The following TCTN1 variants were observed in gnomAD, a reference collection of about 807,000 sequenced individuals.
The protein encoded by TCTN1 is tectonic family member 1.
A neutral mutation model predicts 65.8 loss-of-function variants in TCTN1; 58 were observed. The ratio of observed to expected loss-of-function variants is 0.88; its 90% CI spans 0.71 to 1.10. TCTN1 has a LOEUF of 1.10. TCTN1 is among the 50% of genes least tolerant of loss of function. TCTN1 has a pLI of 0.00. For synonymous variants in TCTN1, 273 were observed against 289.1 expected (o/e 0.94, Z 0.57); for missense variants, 645 against 719.4 (o/e 0.90, Z 1.18).
chr12:110,617,483 C>T (rs1332345736), intron 1 of TCTN1, among the ~76,000 whole-genome samples: 3 of 151,858 alleles, frequency 2.0e-5, no homozygotes, highest in African/African-American at 4.8e-5. Context: ...GCCACCATGC[C>T]TGGCTAATTT....
intron 9 of TCTN1, 33 bp downstream of exon 9, chr12:110,641,182 T>C: frequency 1.9e-6 from 3 of 1,613,992 alleles, no homozygotes; most frequent in Non-Finnish European, 2.5e-6. Context: ...AAGTATTTAA[T>C]TGCCAAGTTA....
At chr12:110,616,268 TGG>T in intron 1 of TCTN1, 3 of 448,256 alleles carry the variant, frequency 6.7e-6, no homozygotes, top group Admixed American at 2.4e-5. Flanking sequence ...TTTTTTTTTT[TGG>T]TCACAGGGTC....
rs184771450 is a variant in TCTN1, at chr12:110,639,490, A to G, written c.844-893A>G. ...TGTGTGTGAGCGTGCTTGCGCTTGTATAGAAGTTGTGTATAAATTGGGTCA... is the reference window on the plus strand; with the variant it reads ...TGTGTGTGAGCGTGCTTGCGCTTGTGTAGAAGTTGTGTATAAATTGGGTCA... On this transcript the variant is annotated intron_variant, in intron 7 of 14. Coordinates refer to ENST00000397659, the MANE Select transcript of TCTN1 (RefSeq NM_001082538.3). The surrounding 1 kb of genome is among the most constrained non-coding windows in gnomAD (Gnocchi z 4.9). Among the ~76,000 whole-genome samples the G allele has an allele frequency of 1.1e-3, 168 of 151,860 alleles. 4 individuals carry two copies. The highest frequency in any genetic ancestry group is 0.01 in the Admixed American group (153 of 15,238).
intron 1 of TCTN1, among the ~76,000 whole-genome samples, chr12:110,618,453 A>T (rs1227042552): frequency 6.6e-6 from 1 of 151,922 alleles, no homozygotes; most frequent in Non-Finnish European, 1.5e-5. Flanking sequence ...GTTAGCCAGG[A>T]TGGTCTCAAT....
chr12:110,617,821 A>G (rs1207667908), intron 1 of TCTN1, among the ~76,000 whole-genome samples: 1 of 150,432 alleles, frequency 6.6e-6, no homozygotes, highest in Non-Finnish European at 1.5e-5. Flanking sequence ...TTGTATTTTC[A>G]GTAGAGACGG....
At chr12:110,636,355 C>A (rs1565991633) in intron 6 of TCTN1, 126 bp from the exon 7 acceptor site, 1 of 668,206 alleles carries the variant, frequency 1.5e-6, no homozygotes, top group Non-Finnish European at 2.6e-6. Context: ...CAAGGAAATT[C>A]TGTTTTCTTC....
At chr12:110,634,331 T>C in intron 5 of TCTN1, 1 of 457,376 alleles carries the variant, frequency 2.2e-6, no homozygotes, top group South Asian at 1.6e-5. Context: ...ATTATCTTTT[T>C]GTGCTTTTTG....
intron 2 of TCTN1, 26 bp from the exon 3 acceptor site, chr12:110,626,336 T>C: frequency 6.5e-7 from 1 of 1,548,606 alleles, no homozygotes; most frequent in South Asian, 1.2e-5. Context: ...CTTGTAACTT[T>C]GTATTATTAT....
chr12:110,632,390 C>T, intron 4 of TCTN1, 82 bp from the exon 5 acceptor site: 1 of 1,424,682 alleles, frequency 7.0e-7, no homozygotes, highest in South Asian at 1.2e-5. Context: ...TGCAGTGCTG[C>T]TTGGCACATT....
chr12:110,636,109 C>T (rs2066551843), intron 6 of TCTN1: 1 of 224,812 alleles, frequency 4.4e-6, no homozygotes, highest in African/African-American at 2.3e-5. Flanking sequence ...CAATGGTGGC[C>T]TTCCAGCAAG....
rs570284747 is a variant in TCTN1 at position 110,626,641 on chromosome 12, G to A, written c.472+149G>A. 2.8e-3 allele frequency: 2,121 copies of A among 765,764 alleles called. 3 individuals carry two copies. Among genetic ancestry groups the A allele is most frequent in the Middle Eastern group, 5.8e-3 (14 of 2,406 alleles). The allele number at this position is 765,764 out of a possible 1,614,324, so 47.4% of individuals were successfully genotyped here. A position where few individuals can be genotyped will look rare whatever the true frequency, so the allele number is the denominator to read the frequency against. On this transcript the variant is annotated intron_variant, in intron 3 of 14. Transcript: ENST00000397659. ...GTCACCCAGGCTGGCGTGCAGTGGC[G>A]CAATCTCGGCTCACTGAAACCTCCA...
chr12:110,624,166 C>T (rs888990417), intron 2 of TCTN1, among the ~76,000 whole-genome samples: 1 of 151,750 alleles, frequency 6.6e-6, no homozygotes, highest in African/African-American at 2.4e-5. Flanking sequence ...AAGTGATCCT[C>T]CTGCCATGGC....
At chr12:110,623,307 T>G (rs953917357) in intron 2 of TCTN1, among the ~76,000 whole-genome samples, 1 of 152,236 alleles carries the variant, frequency 6.6e-6, no homozygotes, top group Admixed American at 6.5e-5. Flanking sequence ...ATTGCCGTTC[T>G]TGCACTTGGA....
chr12:110,616,300 G>T, intron 1 of TCTN1: 1 of 445,450 alleles, frequency 2.2e-6, no homozygotes, highest in Non-Finnish European at 4.5e-6. Flanking sequence ...CACTCAGGCT[G>T]GAGTATAGTG....
intron 2 of TCTN1, among the ~76,000 whole-genome samples, chr12:110,622,194 C>T (rs2065480699): frequency 6.6e-6 from 1 of 151,958 alleles, no homozygotes; most frequent in Non-Finnish European, 1.5e-5. Context: ...TCCCTTCCAC[C>T]TCTAACTGAT....
intron 4 of TCTN1, 42 bp downstream of exon 4, chr12:110,628,960 T>C (rs780970307): frequency 1.2e-6 from 2 of 1,609,808 alleles, no homozygotes; most frequent in South Asian, 2.2e-5. Context: ...CCATCACAAA[T>C]ATCTTTCCTT....
At position 110,614,191 on chromosome 12, in the gene TCTN1, G is replaced by T. The variant is rs1593187884; in HGVS notation, c.9G>T (p.Pro3=). The change falls in exon 1 of 15, where the codon CCG becomes CCT. Residue 3 remains proline (P), a synonymous_variant. Coordinates refer to ENST00000397659, the MANE Select transcript of TCTN1 (RefSeq NM_001082538.3). MR[P]RGLPPLLVVL... ...CTGGGACTCCCTGGGAGATGAGGCCGCGAGGTCTCCCGCCGCTCCTGGTGG... is the reference window on the plus strand; with the variant it reads ...CTGGGACTCCCTGGGAGATGAGGCCTCGAGGTCTCCCGCCGCTCCTGGTGG... 4 of 1,552,536 alleles carry T rather than the reference G, an allele frequency of 2.6e-6. No individual in the cohort carries two copies. The highest frequency in any genetic ancestry group is 1.4e-5 in the African/African-American group (1 of 73,548).
rs1415869928 is a variant in TCTN1 at position 110,644,316 on chromosome 12, C to G, written c.1332-651C>G. ...TAAAGATTTTGCAAAGTTAGAGACTCTTTAGCTTCTGTCAGATAATCCCTC... is the reference window on the plus strand; with the variant it reads ...TAAAGATTTTGCAAAGTTAGAGACTGTTTAGCTTCTGTCAGATAATCCCTC... On this transcript the variant is annotated intron_variant, in intron 11 of 14. Coordinates refer to ENST00000397659, the MANE Select transcript of TCTN1 (RefSeq NM_001082538.3). This position sits in a 1 kb window ranked among gnomAD's most constrained non-coding sequence, Gnocchi z 4.6. 1 of 156,534 alleles carries G rather than the reference C, an allele frequency of 6.4e-6. No homozygotes were observed. Among genetic ancestry groups the G allele is most frequent in the East Asian group, 1.9e-4 (1 of 5,270 alleles). The allele number at this position is 156,534 out of a possible 1,614,324, so 9.7% of individuals were successfully genotyped here. A position where few individuals can be genotyped will look rare whatever the true frequency, so the allele number is the denominator to read the frequency against.
intron 2 of TCTN1, among the ~76,000 whole-genome samples, chr12:110,622,508 A>G (rs1170567524): frequency 6.6e-6 from 1 of 152,156 alleles, no homozygotes; most frequent in Non-Finnish European, 1.5e-5. Flanking sequence ...CAGCCCCACT[A>G]AGGAATGCTC....
Sources: allele counts gnomAD v4.1 joint callset (sites outside exome capture counted in the v4.1 genomes callset), GRCh38; gene constraint gnomAD v4.1.1; non-coding constraint Gnocchi (gnomAD v3.1); transcripts MANE v1.5; gene names NCBI Gene and HGNC (gene_info 2026-07-23, HGNC 2026-07-21).